CECR2: variants seen among roughly 807,000 people sequenced by gnomAD.
CECR2 encodes the protein CECR2 histone acetyl-lysine reader.
In CECR2, 30 loss-of-function variants were observed where a neutral mutation model predicts 154.5. That is an observed-to-expected ratio of 0.19 (90% confidence interval 0.15 to 0.26). The LOEUF (loss-of-function observed/expected upper bound fraction) is 0.26. Among genes scored for constraint, CECR2 ranks in the 10% least tolerant of loss-of-function variants. The pLI is 1.00. For missense variants in CECR2, 1,743 were observed against 1,829.3 expected, an observed-to-expected ratio of 0.95 and a Z score of 0.86; for synonymous variants, 725 against 683.7, an observed-to-expected ratio of 1.06 and a Z score of -0.94.
chr22:17,496,040 T>C (rs1330015547), intron 2 of CECR2, among the ~76,000 whole-genome samples: 1 of 151,686 alleles, frequency 6.6e-6, no homozygotes, highest in Non-Finnish European at 1.5e-5. Context: ...AATTATAGGG[T>C]TTCCAGACTG....
intron 1 of CECR2, among the ~76,000 whole-genome samples, chr22:17,458,781 T>G (rs1298461391): frequency 6.6e-6 from 1 of 152,182 alleles, no homozygotes; most frequent in Non-Finnish European, 1.5e-5. Context: ...GAGAGTACTT[T>G]GCTGACTTTT....
intron 7 of CECR2, among the ~76,000 whole-genome samples, chr22:17,505,534 C>CTTTTTTTTTTTTTTTTTTTTTT (rs11387639): frequency 1.0e-5 from 1 of 98,838 alleles, no homozygotes; most frequent in Non-Finnish European, 1.9e-5. Flanking sequence ...CCTCTTTTTC[C>CTTTTTTTTTTTTTTTTTTTTTT]TTTTTTTTTT....
chr22:17,472,080 G>T (rs1029295588), intron 1 of CECR2, among the ~76,000 whole-genome samples: 5 of 152,150 alleles, frequency 3.3e-5, no homozygotes, highest in African/African-American at 1.2e-4. Context: ...GCTGTTTGAT[G>T]CAAGGCTGAG....
At chr22:17,376,748 C>T (rs188139042) in intron 1 of CECR2, among the ~76,000 whole-genome samples, 1 of 151,688 alleles carries the variant, frequency 6.6e-6, no homozygotes, top group East Asian at 1.9e-4. Flanking sequence ...AGGTGATTCT[C>T]CTGCCTCAGC....
intron 1 of CECR2, among the ~76,000 whole-genome samples, chr22:17,473,266 G>A (rs2055157704): frequency 6.6e-6 from 1 of 152,094 alleles, no homozygotes; most frequent in African/African-American, 2.4e-5. Flanking sequence ...GAGCATCTTG[G>A]CAAAGTTCAG....
chr22:17,541,935 C>T lies in CECR2; in HGVS notation c.1981C>T (p.Pro661Ser). 1 of 1,613,952 alleles carries T rather than the reference C, an allele frequency of 6.2e-7. No homozygotes were observed. Among genetic ancestry groups the T allele is most frequent in the Non-Finnish European group, 8.5e-7 (1 of 1,179,858 alleles). The change falls in exon 15 of 19, where the codon CCT (proline) becomes TCT (serine). Residue 661 changes from proline to serine, a missense_variant. By Grantham distance (74) the Pro-to-Ser change is moderately conservative (BLOSUM62 -1). This residue lies in a region of CECR2 where 1,250 missense variants were observed against 1,192.1 expected (regional missense o/e 1.05). Transcript: ENST00000262608. ...SGVPEPHPGE[P>S]VQQRQPFTMQ... is the part of the protein sequence containing the mutation. ...AGTCCCGGAGCCACACCCCGGGGAG[C>T]CTGTGCAGCAGCGTCAGCCTTTCAC...
chr22:17,388,634 T>C (rs956625002), intron 1 of CECR2, among the ~76,000 whole-genome samples: 1 of 152,132 alleles, frequency 6.6e-6, no homozygotes, highest in Non-Finnish European at 1.5e-5. Context: ...AAGGAATCTT[T>C]TACGCAATTT....
chr22:17,551,102 C>CT (rs2056701696), intron 17 of CECR2, among the ~76,000 whole-genome samples: 1 of 152,148 alleles, frequency 6.6e-6, no homozygotes, highest in African/African-American at 2.4e-5. Context: ...TACCTGTTTT[C>CT]TTTGCTTTGC....
At chr22:17,410,706 T>C (rs979381073) in intron 1 of CECR2, among the ~76,000 whole-genome samples, 1 of 152,190 alleles carries the variant, frequency 6.6e-6, no homozygotes, top group African/African-American at 2.4e-5. Context: ...CCTCCCAAAC[T>C]GCTGGGTAAT....
At chr22:17,503,690 A>T (rs186420085) in intron 6 of CECR2, among the ~76,000 whole-genome samples, 1 of 151,556 alleles carries the variant, frequency 6.6e-6, no homozygotes, top group Admixed American at 6.6e-5. Context: ...TAGACATTAC[A>T]TTTTTTTTTA....
intron 1 of CECR2, among the ~76,000 whole-genome samples, chr22:17,391,848 C>T (rs551054111): frequency 2.6e-5 from 4 of 152,324 alleles, no homozygotes; most frequent in Non-Finnish European, 2.9e-5. Context: ...CTCTTACAGG[C>T]GGGAGTACAG....
intron 1 of CECR2, among the ~76,000 whole-genome samples, chr22:17,461,515 A>G (rs1276143046): frequency 6.6e-6 from 1 of 152,150 alleles, no homozygotes; most frequent in Non-Finnish European, 1.5e-5. Flanking sequence ...ATCATTTGCT[A>G]GGCACTTTCT....
intron 9 of CECR2, among the ~76,000 whole-genome samples, chr22:17,530,123 A>G (rs1197845831): frequency 1.3e-5 from 2 of 151,758 alleles, no homozygotes; most frequent in African/African-American, 2.4e-5. Flanking sequence ...TTTATATTCT[A>G]GCATCTCAAC....
In CECR2 at chr22:17,424,963, C is replaced by T. The variant is rs150641510; in HGVS notation, c.127-52625C>T. ...GACAACAGAGAGGTCGAAGACAAGG[C>T]GGAGTCCTTGTGTTTCAGAATGATA... On this transcript the variant is annotated intron_variant, in intron 1 of 18. Transcript: ENST00000262608. Among the ~76,000 whole-genome samples, 35 of 152,276 alleles carry T rather than the reference C, an allele frequency of 2.3e-4. 1 individual carries two copies. The East Asian group carries it at 6.0e-3, about 26-fold the overall frequency.
chr22:17,542,141 C>T lies in CECR2; in HGVS notation c.2014-16C>T, dbSNP rs756297703. On this transcript the variant is annotated splice_polypyrimidine_tract_variant and intron_variant, in intron 15 of 18. Coordinates refer to ENST00000262608, the MANE Select transcript of CECR2 (RefSeq NM_001290047.2). ...TTCTGTGAGTCTGTAACTGTGCTGC[C>T]TTTTCTCGTTGCCAGCCTCCAGTTG... The T allele has an allele frequency of 6.2e-7, 1 of 1,605,256 alleles. No individual in the cohort carries two copies. The highest frequency in any genetic ancestry group is 8.5e-7 in the Non-Finnish European group (1 of 1,173,968).
Position 17,379,583 on chromosome 22 carries a change from TGTG to T in CECR2, c.126+9675_126+9677del, listed in dbSNP as rs944213249. Among the ~76,000 whole-genome samples the T allele has an allele frequency of 9.3e-5, 10 of 107,906 alleles. No homozygotes were observed. The South Asian group carries it at 1.8e-3, about 19-fold the overall frequency. 70.8% of individuals were successfully genotyped at this position (107,906 alleles called of 152,430 possible). On this transcript the variant is annotated intron_variant, in intron 1 of 18. Transcript: ENST00000262608. Reference sequence around the variant, plus strand: ...AGTTCAGTGGGACCTACGTTGAAGGTGTGTGTGTGTGTGTGTGTGTGTGTGTGT... The same window carrying T: ...AGTTCAGTGGGACCTACGTTGAAGGTTGTGTGTGTGTGTGTGTGTGTGTGT...
At chr22:17,383,066 A>C (rs1168644105) in intron 1 of CECR2, among the ~76,000 whole-genome samples, 1 of 152,096 alleles carries the variant, frequency 6.6e-6, no homozygotes, top group African/African-American at 2.4e-5. Flanking sequence ...CTCTACTAAA[A>C]AATACAAAAA....
chr22:17,427,277 G>C (rs970332660), intron 1 of CECR2, among the ~76,000 whole-genome samples: 2 of 152,046 alleles, frequency 1.3e-5, no homozygotes, highest in African/African-American at 4.8e-5. Context: ...AGACATTTGG[G>C]TTGATTCCAA....
At chr22:17,441,223 T>C (rs1441165515) in intron 1 of CECR2, among the ~76,000 whole-genome samples, 1 of 152,186 alleles carries the variant, frequency 6.6e-6, no homozygotes, top group Non-Finnish European at 1.5e-5. Flanking sequence ...GTGCTGGGAT[T>C]ACAGGCGTGA....
Sources: gnomAD v4.1 joint callset for allele counts (sites outside exome capture counted in the v4.1 genomes callset) on GRCh38, gnomAD v4.1.1 for gene constraint, gnomAD v4.1.1 regional missense constraint, MANE v1.5 for transcripts, NCBI Gene and HGNC (gene_info 2026-07-23, HGNC 2026-07-21) for gene names.